MTAP: variants seen among roughly 807,000 people sequenced by gnomAD.
The protein encoded by MTAP is S-methyl-5'-thioadenosine phosphorylase.
MTAP carries 33 observed loss-of-function variants against 33.6 expected under a neutral mutation model. The observed-to-expected ratio is 0.98, with a 90% CI of 0.74 to 1.31. MTAP has a LOEUF of 1.31. MTAP is among the 40% of genes most tolerant of loss of function. The pLI, the probability that MTAP is intolerant of heterozygous loss-of-function variation, is 0.00. For synonymous variants in MTAP, 148 were observed against 125.7 expected (o/e 1.18, Z -1.19); for missense variants, 367 against 360.0 (o/e 1.02, Z -0.16).
At chr9:21,852,100 G>A (rs1314100852) in intron 5 of MTAP, among the ~76,000 whole-genome samples, 1 of 152,198 alleles carries the variant, frequency 6.6e-6, no homozygotes, top group Non-Finnish European at 1.5e-5. Context: ...GCAGCAACCT[G>A]GATGGAGTTG....
chr9:21,902,169 C>T (rs1818403661), intron 1 of MTAP, among the ~76,000 whole-genome samples: 2 of 152,194 alleles, frequency 1.3e-5, no homozygotes, highest in Non-Finnish European at 2.9e-5. Context: ...GGCTAAGCCA[C>T]TAGGAAAGAC....
At chr9:21,923,316 A>G (rs930440705) in intron 1 of MTAP, among the ~76,000 whole-genome samples, 5 of 152,074 alleles carry the variant, frequency 3.3e-5, no homozygotes, top group African/African-American at 7.2e-5. Flanking sequence ...AGCAGTTTTT[A>G]TGGCTGCATA....
At chr9:21,913,393 A>G (rs1046274122) in intron 1 of MTAP, among the ~76,000 whole-genome samples, 46 of 152,254 alleles carry the variant, frequency 3.0e-4, no homozygotes, top group African/African-American at 9.6e-4. Context: ...ACAAGGCTAC[A>G]GTAACCAAAA....
At chr9:21,810,877 C>T (rs553329549) in intron 1 of MTAP, among the ~76,000 whole-genome samples, 1 of 152,270 alleles carries the variant, frequency 6.6e-6, no homozygotes, top group East Asian at 1.9e-4. Context: ...CCTGTGGACC[C>T]TATTGCAGGT....
At chr9:21,875,599 A>G (rs758802691) in intron 1 of MTAP, among the ~76,000 whole-genome samples, 1 of 151,834 alleles carries the variant, frequency 6.6e-6, no homozygotes, top group Non-Finnish European at 1.5e-5. Flanking sequence ...TGTGTCTGTG[A>G]GTTCTTATCA....
chr9:21,851,362 C>CAT (rs1825507748), intron 5 of MTAP, among the ~76,000 whole-genome samples: 1 of 152,206 alleles, frequency 6.6e-6, no homozygotes, highest in African/African-American at 2.4e-5. Context: ...CATGTTTGTG[C>CAT]ATATATACAG....
intron 4 of MTAP, among the ~76,000 whole-genome samples, chr9:21,825,930 A>T (rs953737191): frequency 6.8e-6 from 1 of 147,710 alleles, no homozygotes; most frequent in African/African-American, 2.6e-5. Flanking sequence ...TTGTCCATTT[A>T]TGTGTCTTCT....
chr9:21,914,945 A>T (rs1372040870), intron 1 of MTAP, among the ~76,000 whole-genome samples: 1 of 151,366 alleles, frequency 6.6e-6, no homozygotes, highest in Non-Finnish European at 1.5e-5. Context: ...CTTCCATCTG[A>T]CATAACGTTC....
intron 1 of MTAP, among the ~76,000 whole-genome samples, chr9:21,894,919 C>A (rs568847633): frequency 6.6e-6 from 1 of 152,020 alleles, no homozygotes; most frequent in African/African-American, 2.4e-5. Context: ...AATGCAGTCC[C>A]ATTCACAATA....
At chr9:21,815,405 T>A in intron 1 of MTAP, 28 bp from the exon 2 acceptor site, 1 of 1,448,372 alleles carries the variant, frequency 6.9e-7, no homozygotes, top group East Asian at 2.3e-5. Flanking sequence ...CCAAATACAA[T>A]AATCTTCTCT....
chr9:21,895,845 A>G (rs1464726297), intron 1 of MTAP, among the ~76,000 whole-genome samples: 1 of 152,190 alleles, frequency 6.6e-6, no homozygotes, highest in African/African-American at 2.4e-5. Flanking sequence ...CCACAGCTCA[A>G]GGAGGCTTGC....
chr9:21,853,179 A>G (rs1005355737), intron 5 of MTAP, among the ~76,000 whole-genome samples: 2 of 152,064 alleles, frequency 1.3e-5, no homozygotes, highest in South Asian at 4.1e-4. Flanking sequence ...ACTTGTCAAG[A>G]GCCATTCATC....
chr9:21,865,006 G>A lies in MTAP; in HGVS notation c.*2992G>A. ...GTGAAACAATTTGATAAGGTTTCAA[G>A]GAGTATCTGATGGGTTAGGAAGTCA... On this transcript the variant is annotated 3_prime_UTR_variant, in exon 8 of 8. Transcript: ENST00000644715. The A allele has an allele frequency of 1.0e-6, 1 of 985,468 alleles. No homozygotes were observed. Among genetic ancestry groups the A allele is most frequent in the Non-Finnish European group, 1.2e-6 (1 of 829,940 alleles). The allele number at this position is 985,468 out of a possible 1,614,324, so 61.0% of individuals were successfully genotyped here.
intron 4 of MTAP, among the ~76,000 whole-genome samples, chr9:21,819,627 A>G (rs1003632212): frequency 1.3e-5 from 2 of 152,226 alleles, no homozygotes; most frequent in Non-Finnish European, 1.5e-5. Context: ...TTATAGCAGC[A>G]TGATTTATAA....
downstream of MTAP, chr9:21,931,285 C>G: frequency 3.4e-6 from 2 of 584,210 alleles, no homozygotes; most frequent in Non-Finnish European, 3.1e-6. Context: ...ATCCAGTTTC[C>G]CAAAGAATTG....
chr9:21,907,111 C>A (rs1413473444), intron 1 of MTAP, among the ~76,000 whole-genome samples: 1 of 152,110 alleles, frequency 6.6e-6, no homozygotes, highest in African/African-American at 2.4e-5. Flanking sequence ...AAAGCACAAT[C>A]CCAGATGTTG....
At chr9:21,913,485 A>G (rs868183999) in intron 1 of MTAP, among the ~76,000 whole-genome samples, 1 of 151,630 alleles carries the variant, frequency 6.6e-6, no homozygotes, top group Non-Finnish European at 1.5e-5. Flanking sequence ...AACATCTACA[A>G]CCATCTGATC....
At chr9:21,882,716 C>A (rs916402374) in intron 1 of MTAP, among the ~76,000 whole-genome samples, 2 of 151,920 alleles carry the variant, frequency 1.3e-5, no homozygotes, top group Admixed American at 6.6e-5. Context: ...TTTACCAGAA[C>A]TGATGATGTT....
At chr9:21,850,224 C>T (rs371777302) in intron 5 of MTAP, among the ~76,000 whole-genome samples, 6 of 152,148 alleles carry the variant, frequency 3.9e-5, no homozygotes, top group African/African-American at 1.4e-4. Context: ...GACCTTCTAC[C>T]TCAGTAAAAT....
Sources: allele counts gnomAD v4.1 joint callset (sites outside exome capture counted in the v4.1 genomes callset), GRCh38; gene constraint gnomAD v4.1.1; transcripts MANE v1.5; gene names NCBI Gene and HGNC (gene_info 2026-07-23, HGNC 2026-07-21).